Variants in ZSCAN22 observed in about 807,000 individuals in gnomAD.
ZSCAN22 encodes zinc finger and SCAN domain containing 22, also known as zinc finger and SCAN domain-containing protein 22.
In ZSCAN22, 7 loss-of-function variants were observed where a neutral mutation model predicts 12.4. The ratio of observed to expected loss-of-function variants is 0.57; its 90% confidence interval spans 0.32 to 1.06. The LOEUF is 1.06. ZSCAN22 is among the 50% of genes least tolerant of loss of function. The pLI is 0.04. For missense variants in ZSCAN22, 576 were observed against 631.7 expected, an observed-to-expected ratio of 0.91 and a Z score of 0.94; for synonymous variants, 243 against 255.9, an observed-to-expected ratio of 0.95 and a Z score of 0.48.
chr19:58,327,913 C>T (rs1346026967), intron 1 of ZSCAN22, among the ~76,000 whole-genome samples: 5 of 152,176 alleles, frequency 3.3e-5, no homozygotes, highest in African/African-American at 1.2e-4. Context: ...TGCAGTGGCG[C>T]AATCTCGGCT....
rs141885885 is a variant in ZSCAN22 at position 58,338,529 on chromosome 19, A to G, written c.679A>G (p.Arg227Gly). 4 of 1,614,116 alleles carry G rather than the reference A, an allele frequency of 2.5e-6. No individual in the cohort carries two copies. The African/African-American group carries it at 4.0e-5, about 16-fold the overall frequency. Residue 227 changes from arginine (R) to glycine (G), a missense_variant, in exon 3 of 3, where the codon AGG becomes GGG. Coordinates refer to ENST00000329665, the MANE Select transcript of ZSCAN22 (RefSeq NM_181846.3). The surrounding 1 kb of genome is among the most constrained non-coding windows in gnomAD (Gnocchi z 5.4). Reference protein sequence around the residue: ...DQRGRESGASRNSSSAWPNLT... With the variant: ...DQRGRESGASGNSSSAWPNLT... ...GCGTGGCCGTGAATCTGGTGCCTCG[A>G]GGAACAGTTCTAGTGCGTGGCCAAA...
intron 1 of ZSCAN22, among the ~76,000 whole-genome samples, chr19:58,332,446 G>A (rs1045081872): frequency 6.6e-6 from 1 of 150,556 alleles, no homozygotes. Flanking sequence ...GCTAATTTTT[G>A]TATTTTTTAG....
In ZSCAN22 at chr19:58,341,899, A is replaced by T. The variant is rs955560616; in HGVS notation, c.*2573A>T. 1.3e-5 allele frequency: 2 copies of T among 152,256 alleles called. No homozygotes were observed. The highest frequency in any genetic ancestry group is 2.9e-5 in the Non-Finnish European group (2 of 68,068). 9.4% of individuals were successfully genotyped at this position (152,256 alleles called of 1,614,324 possible). A position where few individuals can be genotyped will look rare whatever the true frequency, so the allele number is the denominator to read the frequency against. ...ACCTCCTCATATGTAAACCAGGGAC[A>T]GGACCCACCTTGTGTAGTGCCTGAC... On this transcript the variant is annotated 3_prime_UTR_variant, in exon 3 of 3. Transcript: ENST00000329665.
intron 1 of ZSCAN22, among the ~76,000 whole-genome samples, chr19:58,332,798 A>G (rs564148506): frequency 6.6e-6 from 1 of 152,294 alleles, no homozygotes; most frequent in Admixed American, 6.5e-5. Flanking sequence ...ACATATACTC[A>G]TTTCTCTTGG....
At position 58,335,177 on chromosome 19, in the gene ZSCAN22, G is replaced by A. The variant is rs751597985; in HGVS notation, c.375G>A (p.Glu125=). The A allele has an allele frequency of 1.2e-6, 2 of 1,608,612 alleles. No individual in the cohort carries two copies. The highest frequency in any genetic ancestry group is 2.2e-5 in the South Asian group (2 of 90,496). ...GAGAGGAAGCCGCTGTGCTGGTGGAGGATCTGACTCAGGTGCTGGACAAGA... is the reference window on the plus strand; with the variant it reads ...GAGAGGAAGCCGCTGTGCTGGTGGAAGATCTGACTCAGGTGCTGGACAAGA... ...KSGEEAAVLV[E]DLTQVLDKRG... The change falls in exon 2 of 3, where the codon GAG becomes GAA. Residue 125 remains glutamate (E), a synonymous_variant. Transcript: ENST00000329665. This position sits in a 1 kb window ranked among gnomAD's most constrained non-coding sequence, Gnocchi z 4.1.
chr19:58,333,334 G>A (rs2051748712), intron 1 of ZSCAN22, among the ~76,000 whole-genome samples: 1 of 152,036 alleles, frequency 6.6e-6, no homozygotes, highest in Admixed American at 6.6e-5. Flanking sequence ...TGGTGTCATA[G>A]CTAAGACAGC....
At chr19:58,336,229 A>G (rs991921478) in intron 2 of ZSCAN22, among the ~76,000 whole-genome samples, 6 of 152,214 alleles carry the variant, frequency 3.9e-5, no homozygotes, top group Admixed American at 6.5e-5. Context: ...ATACCCGTGC[A>G]GCACCTGAAA....
Position 58,342,197 on chromosome 19 carries a change from C to G in ZSCAN22, c.*2871C>G, listed in dbSNP as rs1483117841. On this transcript the variant is annotated 3_prime_UTR_variant, in exon 3 of 3. Transcript: ENST00000329665. Reference sequence around the variant, plus strand: ...ACATCTCAGTCCTCACACAACCATCCCTGTTTTATAGAGGAGGAAGTGGCT... The same window carrying G: ...ACATCTCAGTCCTCACACAACCATCGCTGTTTTATAGAGGAGGAAGTGGCT... 1 of 152,184 alleles carries G rather than the reference C, an allele frequency of 6.6e-6. No homozygotes were observed. Among genetic ancestry groups the G allele is most frequent in the African/African-American group, 2.4e-5 (1 of 41,438 alleles). 9.4% of individuals were successfully genotyped at this position (152,184 alleles called of 1,614,324 possible).
rs758325967 is a variant in ZSCAN22, at chr19:58,341,296, G to C, written c.*1970G>C. On this transcript the variant is annotated 3_prime_UTR_variant, in exon 3 of 3. Transcript: ENST00000329665. ...TGGACTTAGTCTTTGCCAGCATTCT[G>C]TCCATGTGTTCTCTGGTCTTCTCTC... 5 of 152,172 alleles carry C rather than the reference G, an allele frequency of 3.3e-5. No individual in the cohort carries two copies. The highest frequency in any genetic ancestry group is 5.9e-5 in the Non-Finnish European group (4 of 68,028). The allele number at this position is 152,172 out of a possible 1,614,324, so 9.4% of individuals were successfully genotyped here. A position where few individuals can be genotyped will look rare whatever the true frequency, so the allele number is the denominator to read the frequency against.
rs542871185 is a variant in ZSCAN22, at chr19:58,328,832, A to G, written c.-52+1718A>G. 2.4e-4 allele frequency among the ~76,000 whole-genome samples: 36 copies of G among 152,286 alleles called. 2 individuals carry two copies. In the South Asian group the frequency reaches 7.5e-3, roughly 32 times the overall value. On this transcript the variant is annotated intron_variant, in intron 1 of 2. Coordinates refer to ENST00000329665, the MANE Select transcript of ZSCAN22 (RefSeq NM_181846.3). Reference sequence around the variant, plus strand: ...CTCATGATTCCCTACATTCTTGGGTAACCATGCTCAGCCTTTACTGGTCAT... The same window carrying G: ...CTCATGATTCCCTACATTCTTGGGTGACCATGCTCAGCCTTTACTGGTCAT...
At chr19:58,332,268 C>CTTTTTTTTTTTTTTTT (rs35345104) in intron 1 of ZSCAN22, among the ~76,000 whole-genome samples, 2 of 81,674 alleles carry the variant, frequency 2.4e-5, no homozygotes, top group African/African-American at 5.5e-5. Context: ...CACTAATATG[C>CTTTTTTTTTTTTTTTT]TTTTTTTTTT....
Position 58,335,227 on chromosome 19 carries a change from C to T in ZSCAN22, c.403+22C>T. ...AGAGGTAAAGGGGCGCCGTGGGCAG[C>T]TTCACGGCACACCAGAGATACACCC... On this transcript the variant is annotated intron_variant, in intron 2 of 2. Transcript: ENST00000329665. The surrounding 1 kb of genome is among the most constrained non-coding windows in gnomAD (Gnocchi z 4.1). 1 of 1,534,816 alleles carries T rather than the reference C, an allele frequency of 6.5e-7. No homozygotes were observed. Among genetic ancestry groups the T allele is most frequent in the African/African-American group, 1.4e-5 (1 of 73,102 alleles).
At chr19:58,334,570 A>C in intron 1 of ZSCAN22, 182 bp from the exon 2 acceptor site, 1 of 471,776 alleles carries the variant, frequency 2.1e-6, no homozygotes. Context: ...TCTACATGCA[A>C]GCAGTAGTAG....
Position 58,334,933 on chromosome 19 carries a change from A to T in ZSCAN22, c.131A>T (p.His44Leu), listed in dbSNP as rs1000698980. The change falls in exon 2 of 3, where the codon CAC becomes CTC. Residue 44 changes from histidine to leucine, a missense_variant. By Grantham distance (99) the His-to-Leu change is moderately conservative (BLOSUM62 -3). Transcript: ENST00000329665. ...GAATCCAGCCATGACCACATTGCTC[A>T]CTCTGAGGCTGCACGCCTGCGCTTC... ...GGESSHDHIA[H>L]SEAARLRFRH... is the part of the protein sequence containing the mutation. The T allele has an allele frequency of 6.2e-7, 1 of 1,614,050 alleles. No individual in the cohort carries two copies. Among genetic ancestry groups the T allele is most frequent in the East Asian group, 2.2e-5 (1 of 44,884 alleles).
chr19:58,335,303 C>T lies in ZSCAN22; in HGVS notation c.403+98C>T. 1 of 1,379,204 alleles carries T rather than the reference C, an allele frequency of 7.3e-7. No homozygotes were observed. The highest frequency in any genetic ancestry group is 9.6e-7 in the Non-Finnish European group (1 of 1,039,920). The allele number at this position is 1,379,204 out of a possible 1,614,324, so 85.4% of individuals were successfully genotyped here. A position where few individuals can be genotyped will look rare whatever the true frequency, so the allele number is the denominator to read the frequency against. On this transcript the variant is annotated intron_variant, in intron 2 of 2. Transcript: ENST00000329665. The surrounding 1 kb of genome is among the most constrained non-coding windows in gnomAD (Gnocchi z 4.1). ...CTCTGGTTTGGGGTTGCTCATGCAC[C>T]CATTCTCACATTTGTACTTTACCGT...
rs1046200384 is a variant in ZSCAN22 at position 58,335,712 on chromosome 19, G to C, written c.403+507G>C. Among the ~76,000 whole-genome samples, 8 of 152,204 alleles carry C rather than the reference G, an allele frequency of 5.3e-5. No individual in the cohort carries two copies. The highest frequency in any genetic ancestry group is 9.7e-5 in the African/African-American group (4 of 41,448). On this transcript the variant is annotated intron_variant, in intron 2 of 2. Transcript: ENST00000329665. This position sits in a 1 kb window ranked among gnomAD's most constrained non-coding sequence, Gnocchi z 4.1. The stretch of plus-strand genomic sequence containing the variant: ...AGGGACTAACAGTGAGCAACTGGCT[G>C]TTTCTCAGAGGAAACCAGACGAGGG...
Position 58,341,046 on chromosome 19 carries a change from A to G in ZSCAN22, c.*1720A>G, listed in dbSNP as rs2051868941. The G allele has an allele frequency of 6.6e-6, 1 of 152,086 alleles. No homozygotes were observed. The highest frequency in any genetic ancestry group is 1.5e-5 in the Non-Finnish European group (1 of 68,034). 9.4% of individuals were successfully genotyped at this position (152,086 alleles called of 1,614,324 possible). ...GTAGGCCCTGACTGATGTCTCTTAC[A>G]TGAATGTGACTGGTGCCCCCAGGAG... On this transcript the variant is annotated 3_prime_UTR_variant, in exon 3 of 3. Coordinates refer to ENST00000329665, the MANE Select transcript of ZSCAN22 (RefSeq NM_181846.3).
chr19:58,339,252 G>A lies in ZSCAN22; in HGVS notation c.1402G>A (p.Asp468Asn), dbSNP rs779079809. ...GGGAGAGAAGCCTTATAAGTGCAGCGACTGTGGGAAGGCCTTCAGTCGTAG... is the reference window on the plus strand; with the variant it reads ...GGGAGAGAAGCCTTATAAGTGCAGCAACTGTGGGAAGGCCTTCAGTCGTAG... Reference protein sequence around the residue: ...HTGEKPYKCSDCGKAFSRSSA... With the variant: ...HTGEKPYKCSNCGKAFSRSSA... Residue 468 changes from aspartate (D) to asparagine (N), a missense_variant, in exon 3 of 3, where the codon GAC becomes AAC. Asp to Asn is a conservative substitution (Grantham distance 23). Coordinates refer to ENST00000329665, the MANE Select transcript of ZSCAN22 (RefSeq NM_181846.3). This position sits in a 1 kb window ranked among gnomAD's most constrained non-coding sequence, Gnocchi z 5.6. The A allele has an allele frequency of 1.2e-6, 2 of 1,614,198 alleles. No homozygotes were observed. The highest frequency in any genetic ancestry group is 1.7e-6 in the Non-Finnish European group (2 of 1,180,036).
Position 58,341,111 on chromosome 19 carries a change from T to A in ZSCAN22, c.*1785T>A, listed in dbSNP as rs1473398083. 6.6e-6 allele frequency: 1 copy of A among 152,178 alleles called. No homozygotes were observed. Among genetic ancestry groups the A allele is most frequent in the Non-Finnish European group, 1.5e-5 (1 of 68,030 alleles). 9.4% of individuals were successfully genotyped at this position (152,178 alleles called of 1,614,324 possible). ...GTCTCTGCCCCACATTGTCCTTATG[T>A]ATGTTTACATGGATGTCTCCCCAGC... On this transcript the variant is annotated 3_prime_UTR_variant, in exon 3 of 3. Transcript: ENST00000329665.
Sources: gnomAD v4.1 joint callset for allele counts (sites outside exome capture counted in the v4.1 genomes callset) on GRCh38, gnomAD v4.1.1 for gene constraint, Gnocchi (gnomAD v3.1) non-coding constraint, MANE v1.5 for transcripts, NCBI Gene and HGNC (gene_info 2026-07-23, HGNC 2026-07-21) for gene names.